Variants in LARGE1 observed in about 807,000 individuals in gnomAD.
LARGE1 encodes LARGE xylosyl- and glucuronyltransferase 1.
LARGE1 carries 43 observed loss-of-function variants against 87.6 expected under a neutral mutation model. The observed-to-expected ratio is 0.49, with a 90% confidence interval of 0.38 to 0.63. The LOEUF is 0.63. Ranked by LOEUF, LARGE1 falls within the 30% of genes least tolerant of loss-of-function variation. LARGE1 has a pLI of 0.00. For missense variants in LARGE1, 802 were observed against 1,000.2 expected, an observed-to-expected ratio of 0.80 and a Z score of 2.67; for synonymous variants, 434 against 394.6, an observed-to-expected ratio of 1.10 and a Z score of -1.18.
At chr22:33,545,662 C>A (rs540565136) in intron 6 of LARGE1, among the ~76,000 whole-genome samples, 2 of 152,302 alleles carry the variant, frequency 1.3e-5, no homozygotes, top group Non-Finnish European at 2.9e-5. Context: ...TGGTCTCGAA[C>A]TTCTTACCTC....
intron 6 of LARGE1, among the ~76,000 whole-genome samples, chr22:33,517,498 C>T (rs2071369547): frequency 6.6e-6 from 1 of 152,210 alleles, no homozygotes; most frequent in Non-Finnish European, 1.5e-5. Flanking sequence ...TCTCCTGCCT[C>T]AGCCTCCCGA....
chr22:33,758,918 C>T (rs1165691036), intron 2 of LARGE1, among the ~76,000 whole-genome samples: 4 of 152,168 alleles, frequency 2.6e-5, no homozygotes, highest in Non-Finnish European at 4.4e-5. Context: ...GTACCAGCCT[C>T]CCTCACTCCC....
At chr22:33,193,206 G>A (rs1022766413) in intron 11 of LARGE1, among the ~76,000 whole-genome samples, 12 of 152,046 alleles carry the variant, frequency 7.9e-5, no homozygotes, top group African/African-American at 2.9e-4. Context: ...GTATAGTTTA[G>A]TTAATTTCTG....
chr22:33,082,980 A>G, the LARGE1 span, among the ~76,000 whole-genome samples: 1 of 152,176 alleles, frequency 6.6e-6, no homozygotes, highest in Non-Finnish European at 1.5e-5. Context: ...AGCTGAGATC[A>G]TGCCACTGCA....
intron 2 of LARGE1, among the ~76,000 whole-genome samples, chr22:33,757,181 C>A (rs894784050): frequency 6.6e-6 from 1 of 152,086 alleles, no homozygotes; most frequent in Admixed American, 6.5e-5. Flanking sequence ...TGCCTGACAA[C>A]TGAGTCGCTG....
chr22:33,752,931 C>G (rs2084375424), intron 2 of LARGE1, among the ~76,000 whole-genome samples: 1 of 152,162 alleles, frequency 6.6e-6, no homozygotes, highest in Non-Finnish European at 1.5e-5. Flanking sequence ...AATATAATTA[C>G]AAGGGTCTGG....
At chr22:33,277,034 C>G in intron 14 of LARGE1, 26 bp downstream of exon 14, 1 of 1,610,628 alleles carries the variant, frequency 6.2e-7, no homozygotes, top group Non-Finnish European at 8.5e-7. Flanking sequence ...GTCGACCATA[C>G]CAGGTGGATG....
At chr22:33,213,881 T>C (rs8136059) in intron 11 of LARGE1, among the ~76,000 whole-genome samples, 8,849 of 152,150 alleles carry the variant, frequency 0.058, 384 homozygotes, top group Middle Eastern at 0.14. Context: ...CAGGCTGGAG[T>C]GCAGTGGCGC....
At chr22:33,257,681 C>G (rs552066895) in intron 11 of LARGE1, among the ~76,000 whole-genome samples, 4 of 151,992 alleles carry the variant, frequency 2.6e-5, no homozygotes, top group African/African-American at 9.7e-5. Flanking sequence ...ATGTTAGGGA[C>G]GAGGAAGAGG....
chr22:33,674,653 A>T (rs2081511506), intron 2 of LARGE1, among the ~76,000 whole-genome samples: 1 of 152,024 alleles, frequency 6.6e-6, no homozygotes, highest in South Asian at 2.1e-4. Context: ...GCCATTCCCA[A>T]TGCATGGATC....
intron 6 of LARGE1, among the ~76,000 whole-genome samples, chr22:33,505,688 C>T (rs1417037372): frequency 2.6e-5 from 4 of 152,174 alleles, no homozygotes; most frequent in Non-Finnish European, 5.9e-5. Context: ...AGTTCCCCGT[C>T]ACTGGGGAGT....
At chr22:33,241,780 T>C (rs936066430) in intron 11 of LARGE1, among the ~76,000 whole-genome samples, 1 of 152,094 alleles carries the variant, frequency 6.6e-6, no homozygotes, top group African/African-American at 2.4e-5. Flanking sequence ...CCACATGTTC[T>C]CACTCACAAA....
intron 10 of LARGE1, among the ~76,000 whole-genome samples, chr22:33,336,480 G>A (rs1475590664): frequency 6.6e-6 from 1 of 152,042 alleles, no homozygotes; most frequent in Non-Finnish European, 1.5e-5. Flanking sequence ...GATTACAGGT[G>A]TGAGCCACCG....
intron 5 of LARGE1, among the ~76,000 whole-genome samples, chr22:33,599,818 C>T (rs1353879152): frequency 6.6e-6 from 1 of 152,214 alleles, no homozygotes; most frequent in Non-Finnish European, 1.5e-5. Context: ...ATCTGACATG[C>T]TTCCTGAATG....
chr22:33,298,523 TAA>T (rs1051638224), intron 12 of LARGE1, among the ~76,000 whole-genome samples: 1 of 152,178 alleles, frequency 6.6e-6, no homozygotes, highest in African/African-American at 2.4e-5. Context: ...AAATTCTAAA[TAA>T]AGAGTACTCA....
chr22:33,479,954 A>T (rs931689879), intron 6 of LARGE1, among the ~76,000 whole-genome samples: 2 of 152,142 alleles, frequency 1.3e-5, no homozygotes, highest in Non-Finnish European at 2.9e-5. Flanking sequence ...CATGTTGGCC[A>T]GGCTGGTCTC....
chr22:33,331,839 T>C (rs1030649470), intron 10 of LARGE1, among the ~76,000 whole-genome samples: 1 of 152,140 alleles, frequency 6.6e-6, no homozygotes. Flanking sequence ...CCACCAAGTT[T>C]ACCCTTCAGA....
At chr22:33,800,788 A>G (rs890203705) in intron 1 of LARGE1, among the ~76,000 whole-genome samples, 3 of 151,978 alleles carry the variant, frequency 2.0e-5, no homozygotes, top group Admixed American at 6.5e-5. Flanking sequence ...TCATTCATTC[A>G]CCTGTTAAGG....
chr22:33,919,252 C>G (rs1434301220), intron 1 of LARGE1, among the ~76,000 whole-genome samples: 1 of 152,154 alleles, frequency 6.6e-6, no homozygotes, highest in Admixed American at 6.5e-5. Flanking sequence ...AAATTTCAAA[C>G]AGGCAAGGAC....
Sources: gnomAD v4.1 joint callset for allele counts (sites outside exome capture counted in the v4.1 genomes callset) on GRCh38, gnomAD v4.1.1 for gene constraint, MANE v1.5 for transcripts, NCBI Gene and HGNC (gene_info 2026-07-23, HGNC 2026-07-21) for gene names.